The following GMPR variants were observed in gnomAD, a reference collection of about 807,000 sequenced individuals.
The protein encoded by GMPR is GMP reductase 1.
A neutral mutation model predicts 38.4 loss-of-function variants in GMPR; 31 were observed. That is an observed-to-expected ratio of 0.81 (90% CI 0.61 to 1.09). The LOEUF (loss-of-function observed/expected upper bound fraction) is 1.09. Ranked by LOEUF, GMPR falls within the 50% of genes least tolerant of loss-of-function variation. The pLI, the probability that GMPR is intolerant of heterozygous loss-of-function variation, is 0.00. For missense variants in GMPR, 468 were observed against 453.7 expected, an observed-to-expected ratio of 1.03 and a Z score of -0.29; for synonymous variants, 162 against 173.3, an observed-to-expected ratio of 0.93 and a Z score of 0.51.
chr6:16,270,443 C>G (rs1249932229), intron 4 of GMPR, among the ~76,000 whole-genome samples: 1 of 152,190 alleles, frequency 6.6e-6, no homozygotes, highest in Admixed American at 6.5e-5. Flanking sequence ...GCTCCACACC[C>G]AAGGTGCTTC....
chr6:16,267,183 G>GA (rs1759266846), intron 4 of GMPR, among the ~76,000 whole-genome samples: 1 of 152,114 alleles, frequency 6.6e-6, no homozygotes, highest in African/African-American at 2.4e-5. Flanking sequence ...CTAACACGGT[G>GA]AAACCCTATC....
chr6:16,266,408 G>A (rs956288096), intron 4 of GMPR, among the ~76,000 whole-genome samples: 11 of 109,606 alleles, frequency 1.0e-4, no homozygotes, highest in Non-Finnish European at 1.6e-4. Flanking sequence ...TTTAAGAGCT[G>A]TAACACTCAC....
At chr6:16,286,970 A>G (rs1759695029) in intron 7 of GMPR, among the ~76,000 whole-genome samples, 1 of 152,208 alleles carries the variant, frequency 6.6e-6, no homozygotes, top group South Asian at 2.1e-4. Flanking sequence ...GTGACAAAGG[A>G]AAACACAGGG....
chr6:16,262,772 A>C (rs1471103516), intron 4 of GMPR: 1 of 152,056 alleles, frequency 6.6e-6, no homozygotes, highest in Non-Finnish European at 1.5e-5. Context: ...GTTGCTGCCA[A>C]ACGAGCCATG....
rs142971416 is a variant in GMPR at position 16,260,068 on chromosome 6, T to A, written c.465+5333T>A. On this transcript the variant is annotated intron_variant, in intron 4 of 8. Transcript: ENST00000259727. ...CTGGGGCCTAATAAAAAGGAGCGTC[T>A]ATACAGGAGCTCAAATAGGCTGTAC... 3.0e-3 allele frequency among the ~76,000 whole-genome samples: 464 copies of A among 152,178 alleles called. 19 individuals carry two copies. In the East Asian group the frequency reaches 0.072, roughly 24 times the overall value.
At chr6:16,264,060 C>T (rs541054003) in intron 4 of GMPR, among the ~76,000 whole-genome samples, 1 of 152,100 alleles carries the variant, frequency 6.6e-6, no homozygotes, top group East Asian at 1.9e-4. Context: ...AGGACCAAGG[C>T]AGGCATCCCT....
chr6:16,282,101 T>A (rs1485929862), intron 6 of GMPR, among the ~76,000 whole-genome samples: 1 of 152,180 alleles, frequency 6.6e-6, no homozygotes, highest in East Asian at 1.9e-4. Context: ...GCTGTCCCAT[T>A]TTACCCTTTA....
chr6:16,274,207 A>C (rs137968747), intron 4 of GMPR, among the ~76,000 whole-genome samples: 1 of 152,212 alleles, frequency 6.6e-6, no homozygotes, highest in Non-Finnish European at 1.5e-5. Flanking sequence ...CTTAAATCAT[A>C]TAATGCTGTA....
intron 2 of GMPR, among the ~76,000 whole-genome samples, chr6:16,248,014 G>C (rs928891259): frequency 1.3e-5 from 2 of 151,882 alleles, no homozygotes; most frequent in African/African-American, 4.8e-5. Flanking sequence ...CGGATTGCTT[G>C]AGCTCAGGAG....
chr6:16,250,275 GT>G lies in GMPR; in HGVS notation c.208-5del, dbSNP rs760971182. The stretch of plus-strand genomic sequence containing the variant: ...CTTCCCATCCTAATGGTGCTGTTTT[GT>G]TTTCTAGCACTCCATGTTTACAGCA... On this transcript the variant is annotated splice_polypyrimidine_tract_variant and splice_region_variant and intron_variant, in intron 2 of 8. Coordinates refer to ENST00000259727, the MANE Select transcript of GMPR (RefSeq NM_006877.4). The G allele has an allele frequency of 1.6e-5, 25 of 1,556,252 alleles. No individual in the cohort carries two copies. The highest frequency in any genetic ancestry group is 3.3e-5 in the Admixed American group (2 of 59,898).
At chr6:16,270,625 C>T (rs1759365845) in intron 4 of GMPR, among the ~76,000 whole-genome samples, 1 of 152,202 alleles carries the variant, frequency 6.6e-6, no homozygotes, top group Non-Finnish European at 1.5e-5. Context: ...CCTCTTTTCC[C>T]TTATTTTGCC....
At chr6:16,258,486 G>A (rs1759021782) in intron 4 of GMPR, among the ~76,000 whole-genome samples, 1 of 152,228 alleles carries the variant, frequency 6.6e-6, no homozygotes, top group African/African-American at 2.4e-5. Flanking sequence ...GTTGCTATGG[G>A]GGAGTTTACT....
chr6:16,286,909 AAT>A (rs1313765737), intron 7 of GMPR, among the ~76,000 whole-genome samples: 1 of 152,190 alleles, frequency 6.6e-6, no homozygotes, highest in Non-Finnish European at 1.5e-5. Flanking sequence ...GTCTCAAAAA[AAT>A]ATAAAAAATA....
At chr6:16,276,395 T>C (rs1469714972) in intron 5 of GMPR, among the ~76,000 whole-genome samples, 1 of 152,164 alleles carries the variant, frequency 6.6e-6, no homozygotes, top group East Asian at 1.9e-4. Context: ...GGTCTCGAAC[T>C]CCTGGCCTCA....
At chr6:16,246,381 G>A (rs1028593821) in intron 1 of GMPR, among the ~76,000 whole-genome samples, 4 of 152,214 alleles carry the variant, frequency 2.6e-5, no homozygotes, top group African/African-American at 9.7e-5. Flanking sequence ...AGCAGCCGTG[G>A]AGGGTAAAAG....
chr6:16,273,430 C>T (rs1336689912), intron 4 of GMPR, among the ~76,000 whole-genome samples: 3 of 152,168 alleles, frequency 2.0e-5, no homozygotes, highest in Non-Finnish European at 2.9e-5. Context: ...GCTATTTTTG[C>T]ACTCCTACAC....
At chr6:16,283,075 C>A (rs1759607042) in intron 6 of GMPR, among the ~76,000 whole-genome samples, 1 of 152,192 alleles carries the variant, frequency 6.6e-6, no homozygotes, top group Non-Finnish European at 1.5e-5. Context: ...TCCCAAAGTG[C>A]TGGGATTACA....
chr6:16,289,344 A>G (rs1759778278), intron 7 of GMPR, among the ~76,000 whole-genome samples: 1 of 152,256 alleles, frequency 6.6e-6, no homozygotes, highest in African/African-American at 2.4e-5. Context: ...TTAATAGGCA[A>G]TGAAGAATCC....
intron 6 of GMPR, among the ~76,000 whole-genome samples, chr6:16,285,008 A>C (rs1463268246): frequency 2.2e-5 from 3 of 137,034 alleles, no homozygotes; most frequent in African/African-American, 8.3e-5. Flanking sequence ...GACAAGAGTG[A>C]GACTGTCTCA....
Sources: allele counts gnomAD v4.1 joint callset (sites outside exome capture counted in the v4.1 genomes callset), GRCh38; gene constraint gnomAD v4.1.1; transcripts MANE v1.5; gene names NCBI Gene and HGNC (gene_info 2026-07-23, HGNC 2026-07-21).